Variants in CLU observed in about 807,000 individuals in gnomAD.
CLU encodes the protein aging-associated protein 4.
In CLU, 25 loss-of-function variants were observed where a neutral mutation model predicts 46.4. The ratio of observed to expected loss-of-function variants is 0.54; its 90% CI spans 0.39 to 0.75. The LOEUF is 0.75. Among genes scored for constraint, CLU ranks in the 30% least tolerant of loss-of-function variants. The probability of loss-of-function intolerance (pLI) is 0.00; values close to 1 mark genes in which losing one functional copy is unlikely to be tolerated. For synonymous variants in CLU, 235 were observed against 235.1 expected (o/e 1.00, Z 0.00); for missense variants, 504 against 592.1 (o/e 0.85, Z 1.54).
rs750217288 is a variant in CLU at position 27,599,898 on chromosome 8, TG to T, written c.1045del (p.Gln349SerfsTer14). ...RKYNELLKSY[Q>X]WKMLNTSSLL... ...GGAGGAGGTGTTGAGCATCTTCCACTGGTAGGACTTTAGCAGCTCGTTGTAT... is the reference window on the plus strand; with the variant it reads ...GGAGGAGGTGTTGAGCATCTTCCACTGTAGGACTTTAGCAGCTCGTTGTAT... On this transcript the variant is annotated frameshift_variant, in exon 7 of 9. Coordinates refer to ENST00000316403, the MANE Select transcript of CLU (RefSeq NM_001831.4). LOFTEE classifies it high-confidence loss of function. The surrounding 1 kb of genome is among the most constrained non-coding windows in gnomAD (Gnocchi z 4.0). 6.2e-7 allele frequency: 1 copy of T among 1,614,184 alleles called. No homozygotes were observed. Among genetic ancestry groups the T allele is most frequent in the South Asian group, 1.1e-5 (1 of 91,084 alleles).
At chr8:27,605,759 G>A (rs1278518444) in intron 4 of CLU, among the ~76,000 whole-genome samples, 2 of 152,174 alleles carry the variant, frequency 1.3e-5, no homozygotes, top group Non-Finnish European at 2.9e-5. Context: ...ACATTGGCTG[G>A]GCATAGTGGC....
intron 6 of CLU, among the ~76,000 whole-genome samples, chr8:27,602,444 A>T (rs1275954900): frequency 6.6e-6 from 1 of 151,944 alleles, no homozygotes; most frequent in African/African-American, 2.4e-5. Flanking sequence ...CTCTACTAAA[A>T]ATAAAAAAAT....
intron 2 of CLU, among the ~76,000 whole-genome samples, chr8:27,609,940 T>G (rs1339548215): frequency 6.6e-6 from 1 of 151,976 alleles, no homozygotes; most frequent in East Asian, 1.9e-4. Context: ...TATACACAAT[T>G]TTTATTTGTT....
chr8:27,598,545 C>T lies in CLU; in HGVS notation c.1255G>A (p.Val419Ile), dbSNP rs1016570806. 1.2e-6 allele frequency: 2 copies of T among 1,614,068 alleles called. No individual in the cohort carries two copies. The highest frequency in any genetic ancestry group is 8.5e-7 in the Non-Finnish European group (1 of 1,179,956). The change falls in exon 8 of 9, where the codon GTC becomes ATC. Residue 419 changes from valine to isoleucine, a missense_variant. Physicochemically the swap from Val to Ile is conservative, Grantham distance 29 (BLOSUM62 3). Around this residue, in one of 3 missense-constraint regions of CLU, gnomAD observed 428 missense variants for 484.0 expected, o/e 0.88. Coordinates refer to ENST00000316403, the MANE Select transcript of CLU (RefSeq NM_001831.4). ...LFDSDPITVT[V>I]PVEVSRKNPK... ...TTCTTCCTGGAGACTTCTACAGGGA[C>T]CGTCACAGTGATGGGATCAGAGTCA... is the stretch of plus-strand genomic sequence containing the variant.
Position 27,610,429 on chromosome 8 carries a change from C to T in CLU, c.97+46G>A, listed in dbSNP as rs9331894. ...CAGAATTAGCTACCCTGCCCTCTGA[C>T]CTCATCACCCTGTGGCCAGAGGAAC... On this transcript the variant is annotated intron_variant, in intron 2 of 8. Coordinates refer to ENST00000316403, the MANE Select transcript of CLU (RefSeq NM_001831.4). 1.7e-3 allele frequency: 2,488 copies of T among 1,497,394 alleles called. 42 individuals are homozygous for T. The African/African-American group carries it at 0.031, about 19-fold the overall frequency. The allele number at this position is 1,497,394 out of a possible 1,614,324, so 92.8% of individuals were successfully genotyped here.
chr8:27,598,024 A>G lies in CLU; in HGVS notation c.*217T>C, dbSNP rs1800639376. ...GCTCACAAGACAGTTTTATTGAATT[A>G]GTTGCATGCAGGAGCAATTCTGTTC... On this transcript the variant is annotated 3_prime_UTR_variant, in exon 9 of 9. Transcript: ENST00000316403. The G allele has an allele frequency of 1.4e-6, 1 of 697,048 alleles. No individual in the cohort carries two copies. Among genetic ancestry groups the G allele is most frequent in the African/African-American group, 1.8e-5 (1 of 56,992 alleles). 43.2% of individuals were successfully genotyped at this position (697,048 alleles called of 1,614,324 possible). A position where few individuals can be genotyped will look rare whatever the true frequency, so the allele number is the denominator to read the frequency against.
Position 27,605,145 on chromosome 8 carries a change from G to A in CLU, c.608C>T (p.Thr203Ile), listed in dbSNP as rs41276297. ...DRFFTREPQDTYHYLPFSLPH... is the reference protein window; with the variant it reads ...DRFFTREPQDIYHYLPFSLPH... Reference sequence around the variant, plus strand: ...CAGGCTGAAGGGCAGGTAGTGGTAGGTATCCTGGGGCTCCCGGGTGAAGAA... The same window carrying A: ...CAGGCTGAAGGGCAGGTAGTGGTAGATATCCTGGGGCTCCCGGGTGAAGAA... Residue 203 changes from threonine (T) to isoleucine (I), a missense_variant, in exon 5 of 9, where the codon ACC becomes ATC. Coordinates refer to ENST00000316403, the MANE Select transcript of CLU (RefSeq NM_001831.4). 5,839 of 1,614,200 alleles carry A rather than the reference G, an allele frequency of 3.6e-3. 18 individuals are homozygous for A. Among genetic ancestry groups the A allele is most frequent in the Non-Finnish European group, 4.6e-3 (5,400 of 1,180,028 alleles).
At chr8:27,603,345 T>A (rs539621605) in intron 6 of CLU, among the ~76,000 whole-genome samples, 1 of 152,364 alleles carries the variant, frequency 6.6e-6, no homozygotes, top group African/African-American at 2.4e-5. Context: ...TATTTTGCAG[T>A]GGCTTCTAAA....
chr8:27,607,742 G>C (rs113273538), intron 3 of CLU, among the ~76,000 whole-genome samples: 1 of 111,768 alleles, frequency 8.9e-6, no homozygotes. Context: ...GAGTGTGTTA[G>C]TCTTCAAAAA....
At chr8:27,598,718 T>C in intron 7 of CLU, 83 bp from the exon 8 acceptor site, 1 of 1,383,042 alleles carries the variant, frequency 7.2e-7, no homozygotes, top group Non-Finnish European at 1.0e-6. Flanking sequence ...AGGCTTCTGA[T>C]AAGGAAGTCC....
chr8:27,608,243 A>G (rs1302322725), intron 3 of CLU, among the ~76,000 whole-genome samples: 1 of 152,240 alleles, frequency 6.6e-6, no homozygotes, highest in Non-Finnish European at 1.5e-5. Flanking sequence ...TCTGGGTTTC[A>G]TGGAGTTACA....
At chr8:27,598,415 ACT>A in intron 8 of CLU, 43 bp downstream of exon 8, 1 of 1,611,796 alleles carries the variant, frequency 6.2e-7, no homozygotes, top group South Asian at 1.1e-5. Flanking sequence ...GCTCCCAGAG[ACT>A]CACTGGGCCC....
At chr8:27,601,664 G>T (rs1800723842) in intron 6 of CLU, among the ~76,000 whole-genome samples, 1 of 152,186 alleles carries the variant, frequency 6.6e-6, no homozygotes, top group South Asian at 2.1e-4. Context: ...GGGAGATTTT[G>T]CATATGCTTT....
rs772400134 is a variant in CLU at position 27,610,550 on chromosome 8, A to G, written c.22T>C (p.Phe8Leu). 1 of 1,614,048 alleles carries G rather than the reference A, an allele frequency of 6.2e-7. No homozygotes were observed. Among genetic ancestry groups the G allele is most frequent in the Non-Finnish European group, 8.5e-7 (1 of 1,180,006 alleles). The part of the protein sequence containing the change: MMKTLLL[F>L]VGLLLTWESG... ...TCCCAGGTCAGCAGCAGCCCCACAAACAGCAGCAGAGTCTTCATCATGCCT... is the reference window on the plus strand; with the variant it reads ...TCCCAGGTCAGCAGCAGCCCCACAAGCAGCAGCAGAGTCTTCATCATGCCT... Residue 8 changes from phenylalanine to leucine, a missense_variant, in exon 2 of 9, where the codon TTT (phenylalanine) becomes CTT (leucine). By Grantham distance (22) the Phe-to-Leu change is conservative. Coordinates refer to ENST00000316403, the MANE Select transcript of CLU (RefSeq NM_001831.4).
intron 6 of CLU, among the ~76,000 whole-genome samples, chr8:27,604,032 C>T (rs1299097656): frequency 6.6e-6 from 1 of 152,174 alleles, no homozygotes; most frequent in Non-Finnish European, 1.5e-5. Context: ...ATGGGGCCGA[C>T]CAGGTGGAGG....
chr8:27,602,839 C>G (rs1800745957), intron 6 of CLU, among the ~76,000 whole-genome samples: 1 of 152,066 alleles, frequency 6.6e-6, no homozygotes, highest in East Asian at 1.9e-4. Context: ...CCGAGGCGGG[C>G]AGATTACTTG....
chr8:27,606,622 C>T, intron 3 of CLU, 98 bp from the exon 4 acceptor site: 2 of 1,468,346 alleles, frequency 1.4e-6, no homozygotes, highest in South Asian at 2.3e-5. Flanking sequence ...CAGGGCAGGC[C>T]TTCCCATAGG....
chr8:27,610,051 A>C (rs984628310), intron 2 of CLU, among the ~76,000 whole-genome samples: 7 of 152,126 alleles, frequency 4.6e-5, no homozygotes, highest in African/African-American at 1.2e-4. Flanking sequence ...ACTCACACCC[A>C]TGTCTGATCT....
intron 2 of CLU, 85 bp from the exon 3 acceptor site, chr8:27,609,171 C>T: frequency 1.4e-6 from 2 of 1,470,748 alleles, no homozygotes; most frequent in Non-Finnish European, 1.9e-6. Flanking sequence ...GCCAGAAAGG[C>T]CCGTTCAGTT....
Sources: allele counts gnomAD v4.1 joint callset (sites outside exome capture counted in the v4.1 genomes callset), GRCh38; gene constraint gnomAD v4.1.1; regional missense constraint gnomAD v4.1.1; non-coding constraint Gnocchi (gnomAD v3.1); transcripts MANE v1.5; gene names NCBI Gene and HGNC (gene_info 2026-07-23, HGNC 2026-07-21).